The following GOLGA8T variants were observed in gnomAD, a reference collection of about 807,000 sequenced individuals.
GOLGA8T encodes golgin A8 family member T.
GOLGA8T carries 17 observed loss-of-function variants against 52.0 expected under a neutral mutation model. The observed-to-expected ratio is 0.33, with a 90% confidence interval of 0.22 to 0.49. The LOEUF is 0.49. Ranked by LOEUF, GOLGA8T falls within the 20% of genes least tolerant of loss-of-function variation. The pLI is 0.99. For missense variants in GOLGA8T, 154 were observed against 462.1 expected, an observed-to-expected ratio of 0.33 and a Z score of 6.11; for synonymous variants, 67 against 169.5, an observed-to-expected ratio of 0.40 and a Z score of 4.70.
intron 1 of GOLGA8T, among the ~76,000 whole-genome samples, chr15:30,136,480 A>C (rs1393696032): frequency 6.7e-6 from 1 of 148,412 alleles, no homozygotes; most frequent in Non-Finnish European, 1.5e-5. Context: ...AGAGTTTGAG[A>C]GGTACTGGTG....
At chr15:30,140,210 T>C in intron 8 of GOLGA8T, 3 of 456,092 alleles carry the variant, frequency 6.6e-6, no homozygotes, top group South Asian at 1.9e-5. Flanking sequence ...ATAAAACATG[T>C]CTGCAAGGGT....
chr15:30,136,664 T>G (rs1303173304), intron 1 of GOLGA8T, among the ~76,000 whole-genome samples: 23 of 148,386 alleles, frequency 1.6e-4, no homozygotes, highest in African/African-American at 5.8e-4. Context: ...GTTTCAAAGT[T>G]CCAGTATTGC....
chr15:30,143,433 A>G lies in GOLGA8T; in HGVS notation c.1201-173A>G, dbSNP rs80255877. Among the ~76,000 whole-genome samples, 7 of 128,138 alleles carry G rather than the reference A, an allele frequency of 5.5e-5. No homozygotes were observed. In the East Asian group the frequency reaches 5.9e-4, roughly 11 times the overall value. The allele number at this position is 128,138 out of a possible 152,430, so 84.1% of individuals were successfully genotyped here. On this transcript the variant is annotated intron_variant, in intron 13 of 18. Transcript: ENST00000569052. ...AGGCGCTGTACAGGCAGTGACTGCA[A>G]CAGACCCAGCTAATGAACCAGCTGC...
In GOLGA8T at chr15:30,136,095, C is replaced by G. The variant is rs2057686059; in HGVS notation, c.49-771C>G. On this transcript the variant is annotated intron_variant, in intron 1 of 18. Coordinates refer to ENST00000569052, the MANE Select transcript of GOLGA8T (RefSeq NM_001355469.2). The stretch of plus-strand genomic sequence containing the variant: ...TAACATTTTTTTCTGAGTTCTCCAC[C>G]TCATATTCTAATTCTCCATGGTTCT... 8.4e-6 allele frequency: 3 copies of G among 356,468 alleles called. No homozygotes were observed. In the Admixed American group the frequency reaches 1.1e-4, roughly 14 times the overall value. The allele number at this position is 356,468 out of a possible 1,614,324, so 22.1% of individuals were successfully genotyped here.
At chr15:30,142,793 A>G (rs546075693) in intron 13 of GOLGA8T, among the ~76,000 whole-genome samples, 3 of 118,498 alleles carry the variant, frequency 2.5e-5, no homozygotes, top group Admixed American at 2.3e-4. Flanking sequence ...AAAAAAAAAA[A>G]AAAAAATTAG....
At chr15:30,136,326 A>G (rs1230910805) in intron 1 of GOLGA8T, among the ~76,000 whole-genome samples, 1 of 148,216 alleles carries the variant, frequency 6.7e-6, no homozygotes, top group African/African-American at 2.5e-5. Flanking sequence ...GAGAAAAAAC[A>G]TGAATGTACT....
chr15:30,145,596 G>T lies in GOLGA8T; in HGVS notation c.*29G>T, dbSNP rs199602103. On this transcript the variant is annotated 3_prime_UTR_variant, in exon 19 of 19. Coordinates refer to ENST00000569052, the MANE Select transcript of GOLGA8T (RefSeq NM_001355469.2). The stretch of plus-strand genomic sequence containing the variant: ...TCACCATCCTCAAAGAGCTGCTCAA[G>T]AAATTTTTAAATAAGAAACCAAGTT... The T allele has an allele frequency of 2.0e-4, 256 of 1,265,356 alleles. 10 individuals are homozygous for T. The highest frequency in any genetic ancestry group is 2.4e-4 in the Non-Finnish European group (225 of 945,188). The allele number at this position is 1,265,356 out of a possible 1,614,324, so 78.4% of individuals were successfully genotyped here.
At chr15:30,143,371 T>C (rs1203113096) in intron 13 of GOLGA8T, among the ~76,000 whole-genome samples, 10 of 117,324 alleles carry the variant, frequency 8.5e-5, no homozygotes, top group Non-Finnish European at 1.3e-4. Flanking sequence ...CCTGCAGCAG[T>C]ACGTGGCCAC....
chr15:30,141,440 G>A lies in GOLGA8T; in HGVS notation c.874+15G>A, dbSNP rs748628266. On this transcript the variant is annotated intron_variant, in intron 11 of 18. Coordinates refer to ENST00000569052, the MANE Select transcript of GOLGA8T (RefSeq NM_001355469.2). ...AAACCAGATGGGTAAGATGGGGCTG[G>A]CATGACCTAGGAGCAGGACTGGCAT... 34 of 1,523,050 alleles carry A rather than the reference G, an allele frequency of 2.2e-5. 6 individuals are homozygous for A. In the South Asian group the frequency reaches 3.9e-4, roughly 18 times the overall value. 94.3% of individuals were successfully genotyped at this position (1,523,050 alleles called of 1,614,324 possible). A position where few individuals can be genotyped will look rare whatever the true frequency, so the allele number is the denominator to read the frequency against.
chr15:30,142,373 G>A lies in GOLGA8T; in HGVS notation c.1191G>A (p.Lys397=). The change falls in exon 13 of 19, where the codon AAG becomes AAA. Residue 397 remains lysine (K), a synonymous_variant. Coordinates refer to ENST00000569052, the MANE Select transcript of GOLGA8T (RefSeq NM_001355469.2). ...AGCAAGTAAAGGAGCTACAGGAGAA[G>A]CTTGGCGAGGTGAAGGAGACGGAAA... ...LEQQVKELQE[K]LGEEHLEAAS... is the part of the protein sequence containing the mutation. The A allele has an allele frequency of 6.5e-7, 1 of 1,545,208 alleles. No homozygotes were observed. The highest frequency in any genetic ancestry group is 1.5e-5 in the African/African-American group (1 of 65,710).
chr15:30,140,974 T>C, intron 9 of GOLGA8T, 46 bp downstream of exon 9: 1 of 1,312,042 alleles, frequency 7.6e-7, no homozygotes, highest in East Asian at 2.3e-5. Flanking sequence ...TGACCCCAGG[T>C]GGCCAGGAGC....
chr15:30,142,434 A>C, intron 13 of GOLGA8T, 52 bp downstream of exon 13: 1 of 1,581,894 alleles, frequency 6.3e-7, no homozygotes, highest in Non-Finnish European at 8.5e-7. Context: ...GGAGGCGGGC[A>C]GCAGACTCTG....
rs2057741175 is a variant in GOLGA8T at position 30,141,319 on chromosome 15, C to T, written c.787-19C>T. 2 of 1,549,516 alleles carry T rather than the reference C, an allele frequency of 1.3e-6. No individual in the cohort carries two copies. The highest frequency in any genetic ancestry group is 2.3e-5 in the South Asian group (2 of 86,682). ...CCAGCCCCTCTCTCCAAGGCCCTTTCCCCTTGTGCTTTGGGCAGATTTGCA... is the reference window on the plus strand; with the variant it reads ...CCAGCCCCTCTCTCCAAGGCCCTTTTCCCTTGTGCTTTGGGCAGATTTGCA... On this transcript the variant is annotated intron_variant, in intron 10 of 18. Transcript: ENST00000569052.
At chr15:30,142,514 A>T (rs2057759207) in intron 13 of GOLGA8T, 132 bp downstream of exon 13, 1 of 1,503,888 alleles carries the variant, frequency 6.6e-7, no homozygotes, top group East Asian at 2.5e-5. Flanking sequence ...CCCCCAGGGC[A>T]GTCCTGTTTC....
chr15:30,137,212 C>G (rs1469897712), intron 2 of GOLGA8T, among the ~76,000 whole-genome samples: 1 of 147,528 alleles, frequency 6.8e-6, no homozygotes, highest in Non-Finnish European at 1.5e-5. Flanking sequence ...CCTGTCTCTA[C>G]TAAAAATACA....
intron 13 of GOLGA8T, 82 bp downstream of exon 13, chr15:30,142,464 C>G (rs2057757993): frequency 6.4e-7 from 1 of 1,569,972 alleles, no homozygotes; most frequent in South Asian, 1.1e-5. Flanking sequence ...GGTACGAGGC[C>G]AGAGGCAGCT....
Position 30,144,921 on chromosome 15 carries a change from C to A in GOLGA8T, c.1467-38C>A, listed in dbSNP as rs773973059. 22 of 1,554,438 alleles carry A rather than the reference C, an allele frequency of 1.4e-5. 1 individual carries two copies. In the East Asian group the frequency reaches 4.3e-4, roughly 30 times the overall value. On this transcript the variant is annotated intron_variant, in intron 16 of 18. Coordinates refer to ENST00000569052, the MANE Select transcript of GOLGA8T (RefSeq NM_001355469.2). ...ACGGCAGGGGGAGCTACAGGGCCGT[C>A]GGAGGGGCCCCAGCGTCTGAGCCCT...
Position 30,148,335 on chromosome 15 carries a change from C to T in GOLGA8T, c.*2768C>T, listed in dbSNP as rs1210783251. Among the ~76,000 whole-genome samples, 3 of 127,080 alleles carry T rather than the reference C, an allele frequency of 2.4e-5. 1 individual carries two copies. The highest frequency in any genetic ancestry group is 8.3e-5 in the African/African-American group (2 of 24,116). 83.4% of individuals were successfully genotyped at this position (127,080 alleles called of 152,430 possible). On this transcript the variant is annotated 3_prime_UTR_variant, in exon 19 of 19. Coordinates refer to ENST00000569052, the MANE Select transcript of GOLGA8T (RefSeq NM_001355469.2). Reference sequence around the variant, plus strand: ...GTATTTGATTCAACCTGATAATTTTCCAGAAATGAAAAAAAAAATCAGCTC... The same window carrying T: ...GTATTTGATTCAACCTGATAATTTTTCAGAAATGAAAAAAAAAATCAGCTC...
intron 2 of GOLGA8T, among the ~76,000 whole-genome samples, 188 bp downstream of exon 2, chr15:30,137,173 C>G (rs1442660561): frequency 6.9e-6 from 1 of 145,624 alleles, no homozygotes; most frequent in East Asian, 2.0e-4. Context: ...GTCAGGAGAT[C>G]GAGACCATCC....
Sources: gnomAD v4.1 joint callset for allele counts (sites outside exome capture counted in the v4.1 genomes callset) on GRCh38, gnomAD v4.1.1 for gene constraint, MANE v1.5 for transcripts, NCBI Gene and HGNC (gene_info 2026-07-23, HGNC 2026-07-21) for gene names.